The following ZNF26 variants were observed in gnomAD, a reference collection of about 807,000 sequenced individuals.
ZNF26 encodes zinc finger protein 26.
Under a neutral mutation model 54.9 loss-of-function variants are expected in ZNF26, and 32 were observed. That is an observed-to-expected ratio of 0.58 (90% CI 0.44 to 0.78). The LOEUF (loss-of-function observed/expected upper bound fraction) is 0.78. ZNF26 is among the 30% of genes least tolerant of loss of function. ZNF26 has a pLI of 0.00. For synonymous variants in ZNF26, 221 were observed against 209.2 expected, an observed-to-expected ratio of 1.06 and a Z score of -0.49; for missense variants, 524 against 634.0, an observed-to-expected ratio of 0.83 and a Z score of 1.86.
chr12:133,009,529 C>T (rs762695292), intron 3 of ZNF26, among the ~76,000 whole-genome samples: 1 of 151,832 alleles, frequency 6.6e-6, no homozygotes, highest in Non-Finnish European at 1.5e-5. Context: ...GAGGTCGAGG[C>T]TGCAGTAAGC....
chr12:132,991,117 C>T (rs1236302777), intron 1 of ZNF26, among the ~76,000 whole-genome samples: 1 of 151,784 alleles, frequency 6.6e-6, no homozygotes, highest in Non-Finnish European at 1.5e-5. Context: ...CCTCAGCCTC[C>T]CAAAGTGCTG....
At chr12:133,008,185 G>C (rs1593665263) in intron 3 of ZNF26, among the ~76,000 whole-genome samples, 1 of 152,162 alleles carries the variant, frequency 6.6e-6, no homozygotes, top group African/African-American at 2.4e-5. Flanking sequence ...CTGTGGGAGC[G>C]CTACCCCACG....
intron 3 of ZNF26, 52 bp from the exon 4 acceptor site, chr12:133,010,084 A>G (rs1953435415): frequency 1.3e-6 from 2 of 1,527,460 alleles, no homozygotes; most frequent in East Asian, 4.5e-5. Context: ...TTAATTCCAT[A>G]TCAGGTTTAT....
intron 1 of ZNF26, chr12:132,987,731 T>G (rs1319347587): frequency 1.0e-6 from 1 of 985,228 alleles, no homozygotes; most frequent in Non-Finnish European, 1.2e-6. Flanking sequence ...TCGTGGAAGC[T>G]CAGAGTGTGA....
In ZNF26 at chr12:133,010,829, G is replaced by A; in HGVS notation, c.950G>A (p.Ser317Asn). Residue 317 changes from serine to asparagine, a missense_variant, in exon 4 of 4, where the codon AGT (serine) becomes AAT (asparagine). By Grantham distance (46) the Ser-to-Asn change is conservative (BLOSUM62 1). Coordinates refer to ENST00000328654, the MANE Select transcript of ZNF26 (RefSeq NM_019591.4). ...THTGVKPHKC[S>N]ECGKAFRSKS... ...ACAGGAGTGAAACCCCATAAATGCAGTGAATGTGGGAAAGCCTTTAGGAGT... is the reference window on the plus strand; with the variant it reads ...ACAGGAGTGAAACCCCATAAATGCAATGAATGTGGGAAAGCCTTTAGGAGT... 6.2e-7 allele frequency: 1 copy of A among 1,614,084 alleles called. No homozygotes were observed. Among genetic ancestry groups the A allele is most frequent in the Non-Finnish European group, 8.5e-7 (1 of 1,180,030 alleles).
At chr12:132,989,799 A>C (rs1237412793) in intron 1 of ZNF26, among the ~76,000 whole-genome samples, 30 of 152,138 alleles carry the variant, frequency 2.0e-4, no homozygotes, top group Non-Finnish European at 1.2e-4. Context: ...GTTGAAAAAG[A>C]GTGGTGAGAG....
At position 133,011,070 on chromosome 12, in the gene ZNF26, C is replaced by T; in HGVS notation, c.1191C>T (p.Pro397=). The T allele has an allele frequency of 6.2e-7, 1 of 1,614,070 alleles. No individual in the cohort carries two copies. The highest frequency in any genetic ancestry group is 8.5e-7 in the Non-Finnish European group (1 of 1,180,004). Residue 397 remains proline (P), a synonymous_variant, in exon 4 of 4, where the codon CCC becomes CCT. Transcript: ENST00000328654. ...TGAGAGCTCATGCAGGAGAGAAGCCCTATGGATGCAGTGAATGTGGGAAGG... is the reference window on the plus strand; with the variant it reads ...TGAGAGCTCATGCAGGAGAGAAGCCTTATGGATGCAGTGAATGTGGGAAGG... The part of the protein sequence containing the change: ...AHLRAHAGEK[P]YGCSECGKAF...
In ZNF26 at chr12:133,025,061, A is replaced by T. The variant is rs1232819364; in HGVS notation, c.*13580A>T. 2 of 152,242 alleles carry T rather than the reference A, an allele frequency of 1.3e-5. No homozygotes were observed. The highest frequency in any genetic ancestry group is 2.9e-5 in the Non-Finnish European group (2 of 68,058). The allele number at this position is 152,242 out of a possible 1,614,324, so 9.4% of individuals were successfully genotyped here. ...GGATGACTCAGAGAGCAGAACTAAGATCCAGAGGGTAGAGCAAAGAGCCAT... is the reference window on the plus strand; with the variant it reads ...GGATGACTCAGAGAGCAGAACTAAGTTCCAGAGGGTAGAGCAAAGAGCCAT... On this transcript the variant is annotated 3_prime_UTR_variant, in exon 4 of 4. Transcript: ENST00000328654.
rs1593671150 is a variant in ZNF26, at chr12:133,011,094, G to A, written c.1215G>A (p.Lys405=). 1 of 1,613,964 alleles carries A rather than the reference G, an allele frequency of 6.2e-7. No individual in the cohort carries two copies. Among genetic ancestry groups the A allele is most frequent in the East Asian group, 2.2e-5 (1 of 44,854 alleles). Residue 405 remains lysine, a synonymous_variant, in exon 4 of 4, where the codon AAG becomes AAA. Transcript: ENST00000328654. ...CCTATGGATGCAGTGAATGTGGGAAGGCTTTCAGCAGCAAGTCATACCTTG... is the reference window on the plus strand; with the variant it reads ...CCTATGGATGCAGTGAATGTGGGAAAGCTTTCAGCAGCAAGTCATACCTTG... ...EKPYGCSECG[K]AFSSKSYLVI...
In ZNF26 at chr12:133,010,023, A is replaced by G; in HGVS notation, c.257-113A>G. Reference sequence around the variant, plus strand: ...AGTATTTCTTTTGAACCAGTGTGGTAGGCTTGTTACCAAAAGAGAAAGGTT... The same window carrying G: ...AGTATTTCTTTTGAACCAGTGTGGTGGGCTTGTTACCAAAAGAGAAAGGTT... On this transcript the variant is annotated intron_variant, in intron 3 of 3. Transcript: ENST00000328654. The G allele has an allele frequency of 2.7e-6, 3 of 1,120,600 alleles. No homozygotes were observed. The South Asian group carries it at 5.7e-5, about 21-fold the overall frequency. The allele number at this position is 1,120,600 out of a possible 1,614,324, so 69.4% of individuals were successfully genotyped here.
chr12:133,010,556 G>A lies in ZNF26; in HGVS notation c.677G>A (p.Gly226Glu). The A allele has an allele frequency of 1.1e-5, 17 of 1,614,130 alleles. No individual in the cohort carries two copies. The highest frequency in any genetic ancestry group is 1.4e-5 in the Non-Finnish European group (16 of 1,180,010). Residue 226 changes from glycine to glutamate, a missense_variant, in exon 4 of 4, where the codon GGA (glycine) becomes GAA (glutamate). Transcript: ENST00000328654. ...AATGCTCATCAGAGAGTTCATACAGGAGAAAAACCCTACTCATGTAGTGAG... is the reference window on the plus strand; with the variant it reads ...AATGCTCATCAGAGAGTTCATACAGAAGAAAAACCCTACTCATGTAGTGAG... ...NLNAHQRVHT[G>E]EKPYSCSECE... is the part of the protein sequence containing the mutation.
chr12:133,024,411 G>A lies in ZNF26; in HGVS notation c.*12930G>A, dbSNP rs1051251350. On this transcript the variant is annotated 3_prime_UTR_variant, in exon 4 of 4. Transcript: ENST00000328654. ...CTAATGTAAATGGAAAATAGAAGATGTACCTCATGACCTCAGTGATAGAGC... is the reference window on the plus strand; with the variant it reads ...CTAATGTAAATGGAAAATAGAAGATATACCTCATGACCTCAGTGATAGAGC... The A allele has an allele frequency of 6.6e-6, 1 of 152,194 alleles. No homozygotes were observed. Among genetic ancestry groups the A allele is most frequent in the Non-Finnish European group, 1.5e-5 (1 of 68,030 alleles). 9.4% of individuals were successfully genotyped at this position (152,194 alleles called of 1,614,324 possible).
At chr12:133,006,953 G>C in intron 1 of ZNF26, 89 bp from the exon 2 acceptor site, 1 of 1,451,344 alleles carries the variant, frequency 6.9e-7, no homozygotes, top group East Asian at 2.3e-5. Flanking sequence ...GTTGGTAGAG[G>C]AACATTTATC....
In ZNF26 at chr12:133,023,263, A is replaced by T. The variant is rs2137286426; in HGVS notation, c.*11782A>T. ...AGAAAAAGCAAGACTGAATAAAATCAACAATAAATAACAAAATTGAATTGG... is the reference window on the plus strand; with the variant it reads ...AGAAAAAGCAAGACTGAATAAAATCTACAATAAATAACAAAATTGAATTGG... On this transcript the variant is annotated 3_prime_UTR_variant, in exon 4 of 4. Coordinates refer to ENST00000328654, the MANE Select transcript of ZNF26 (RefSeq NM_019591.4). 1 of 152,366 alleles carries T rather than the reference A, an allele frequency of 6.6e-6. No homozygotes were observed. Among genetic ancestry groups the T allele is most frequent in the South Asian group, 2.1e-4 (1 of 4,828 alleles). 9.4% of individuals were successfully genotyped at this position (152,366 alleles called of 1,614,324 possible).
chr12:133,007,324 C>T (rs1953353114), intron 2 of ZNF26, 113 bp from the exon 3 acceptor site: 1 of 1,308,678 alleles, frequency 7.6e-7, no homozygotes, highest in Non-Finnish European at 1.1e-6. Flanking sequence ...TCCCACACTT[C>T]CTAATTGTAA....
Position 133,009,525 on chromosome 12 carries a change from G to A in ZNF26, c.257-611G>A, listed in dbSNP as rs796249206. Among the ~76,000 whole-genome samples the A allele has an allele frequency of 9.3e-4, 141 of 152,084 alleles. 1 individual carries two copies. Among genetic ancestry groups the A allele is most frequent in the African/African-American group, 3.0e-3 (126 of 41,466 alleles). The stretch of plus-strand genomic sequence containing the variant: ...GAGGATTACTTGAACCCAGGAGGTC[G>A]AGGCTGCAGTAAGCCAAGATTGCGC... On this transcript the variant is annotated intron_variant, in intron 3 of 3. Transcript: ENST00000328654.
intron 1 of ZNF26, chr12:133,006,141 G>A (rs1953320287): frequency 1.0e-5 from 10 of 985,084 alleles, no homozygotes; most frequent in Non-Finnish European, 1.2e-5. Flanking sequence ...ACTCTTTGCT[G>A]TTGCTTAGAA....
intron 1 of ZNF26, among the ~76,000 whole-genome samples, chr12:132,999,251 TTTTG>T (rs1416888022): frequency 6.6e-5 from 10 of 152,204 alleles, no homozygotes; most frequent in Admixed American, 2.0e-4. Context: ...CTCTTAGTTT[TTTTG>T]TTTGTTTGTT....
chr12:132,998,842 C>T (rs1264843506), intron 1 of ZNF26, among the ~76,000 whole-genome samples: 2 of 152,198 alleles, frequency 1.3e-5, no homozygotes, highest in African/African-American at 4.8e-5. Context: ...CAGATTCTTG[C>T]TGAACTTATG....
Sources: gnomAD v4.1 joint callset for allele counts (sites outside exome capture counted in the v4.1 genomes callset) on GRCh38, gnomAD v4.1.1 for gene constraint, MANE v1.5 for transcripts, NCBI Gene and HGNC (gene_info 2026-07-23, HGNC 2026-07-21) for gene names.